Variants in RNLS observed in about 807,000 individuals in gnomAD.
The protein encoded by RNLS is renalase, FAD dependent amine oxidase, also known as renalase.
RNLS carries 39 observed loss-of-function variants against 39.8 expected under a neutral mutation model. That is an observed-to-expected ratio of 0.98 (90% CI 0.76 to 1.28). RNLS has a LOEUF of 1.28. RNLS is among the 50% of genes most tolerant of loss of function. The probability of loss-of-function intolerance (pLI) is 0.00; values close to 1 mark genes in which losing one functional copy is unlikely to be tolerated. For synonymous variants in RNLS, 147 were observed against 150.7 expected (o/e 0.98, Z 0.18); for missense variants, 410 against 413.3 (o/e 0.99, Z 0.07).
intron 5 of RNLS, among the ~76,000 whole-genome samples, chr10:88,362,250 G>A (rs987246690): frequency 1.3e-5 from 2 of 152,018 alleles, no homozygotes; most frequent in Admixed American, 6.6e-5. Flanking sequence ...AGAGATACAT[G>A]TGCATATAGA....
At chr10:88,200,472 G>A in the RNLS span, among the ~76,000 whole-genome samples, 1,048 of 152,304 alleles carry the variant, frequency 6.9e-3, 7 homozygotes, top group African/African-American at 0.023. Context: ...GGTGATTCCA[G>A]AGCCCAGATG....
At chr10:88,286,824 G>T (rs536169807) in intron 6 of RNLS, among the ~76,000 whole-genome samples, 3 of 148,876 alleles carry the variant, frequency 2.0e-5, no homozygotes, top group African/African-American at 4.9e-5. Flanking sequence ...ATAGGGTCTT[G>T]CTCTGTTGCC....
At chr10:88,289,953 G>A (rs903485825) in intron 6 of RNLS, among the ~76,000 whole-genome samples, 3 of 152,016 alleles carry the variant, frequency 2.0e-5, no homozygotes, top group African/African-American at 7.2e-5. Flanking sequence ...TGCTGATTCC[G>A]TCGGTCAAAA....
chr10:88,195,093 A>T, the RNLS span, among the ~76,000 whole-genome samples: 1 of 152,172 alleles, frequency 6.6e-6, no homozygotes, highest in Non-Finnish European at 1.5e-5. Context: ...GTAAGCATCC[A>T]ATGCATTCAT....
intron 5 of RNLS, among the ~76,000 whole-genome samples, chr10:88,319,407 G>C (rs1024371508): frequency 2.6e-5 from 4 of 152,046 alleles, no homozygotes; most frequent in Non-Finnish European, 4.4e-5. Context: ...TATTTCATTT[G>C]CTCTGTAGCA....
intron 4 of RNLS, among the ~76,000 whole-genome samples, chr10:88,501,685 T>C (rs1294925371): frequency 6.6e-6 from 1 of 152,154 alleles, no homozygotes; most frequent in Non-Finnish European, 1.5e-5. Flanking sequence ...ATTCAAAGCG[T>C]GTGGATTCCT....
chr10:88,224,885 C>T, the RNLS span, among the ~76,000 whole-genome samples: 1 of 152,132 alleles, frequency 6.6e-6, no homozygotes, highest in African/African-American at 2.4e-5. Flanking sequence ...AATCCCCAAC[C>T]ACTCCTATGA....
chr10:88,481,048 T>G (rs1265596790), intron 4 of RNLS, among the ~76,000 whole-genome samples: 1 of 152,124 alleles, frequency 6.6e-6, no homozygotes, highest in Non-Finnish European at 1.5e-5. Context: ...ATATTCCTGG[T>G]TTATTGACCC....
Position 88,284,560 on chromosome 10 carries a change from G to A in RNLS, c.*794C>T, listed in dbSNP as rs1041551177. On this transcript the variant is annotated 3_prime_UTR_variant, in exon 7 of 7. Coordinates refer to ENST00000331772, the MANE Select transcript of RNLS (RefSeq NM_001031709.3). ...TGTTAAATTCATTAAACTCGACACA[G>A]TCTAAATGCCACAGCACATACTGGA... The A allele has an allele frequency of 4.2e-5, 41 of 985,158 alleles. No homozygotes were observed. Among genetic ancestry groups the A allele is most frequent in the Non-Finnish European group, 4.1e-5 (34 of 829,848 alleles). The allele number at this position is 985,158 out of a possible 1,614,324, so 61.0% of individuals were successfully genotyped here. A position where few individuals can be genotyped will look rare whatever the true frequency, so the allele number is the denominator to read the frequency against.
chr10:88,354,116 A>G (rs892659584), intron 5 of RNLS, among the ~76,000 whole-genome samples: 4 of 152,048 alleles, frequency 2.6e-5, no homozygotes, highest in Admixed American at 2.0e-4. Context: ...TGTCTCTGCA[A>G]GTGAGATGGG....
At chr10:88,341,350 AGAAT>A (rs1847947140) in intron 5 of RNLS, among the ~76,000 whole-genome samples, 1 of 151,024 alleles carries the variant, frequency 6.6e-6, no homozygotes, top group Non-Finnish European at 1.5e-5. Flanking sequence ...AAAAAAAAAA[AGAAT>A]GAGAACAAAC....
chr10:88,421,434 A>G (rs1381189183), intron 4 of RNLS, among the ~76,000 whole-genome samples: 1 of 152,198 alleles, frequency 6.6e-6, no homozygotes. Context: ...ATCATCTGTG[A>G]CACGGCCTTG....
rs528493866 is a variant in RNLS at position 88,479,697 on chromosome 10, C to G, written c.526+93206G>C. Among the ~76,000 whole-genome samples, 3 of 152,124 alleles carry G rather than the reference C, an allele frequency of 2.0e-5. 1 individual carries two copies. In the East Asian group the frequency reaches 5.8e-4, roughly 29 times the overall value. On this transcript the variant is annotated intron_variant, in intron 4 of 6. Transcript: ENST00000331772. ...GCCTTTCCCATTTTCAGAAAAGTAA[C>G]CCAAATTCCTTTTATTTGCCCTTTT... is the stretch of plus-strand genomic sequence containing the variant.
chr10:88,391,780 TA>T (rs1302213118), intron 4 of RNLS, among the ~76,000 whole-genome samples: 3 of 152,184 alleles, frequency 2.0e-5, no homozygotes, highest in African/African-American at 7.2e-5. Flanking sequence ...AATCAAAGAC[TA>T]GCAGAAATCA....
chr10:88,317,333 T>C (rs761246092), intron 5 of RNLS, among the ~76,000 whole-genome samples: 2 of 152,224 alleles, frequency 1.3e-5, no homozygotes, highest in Non-Finnish European at 2.9e-5. Context: ...GAGGATTAAA[T>C]GAATTACTCA....
chr10:88,356,087 G>C (rs1370950183), intron 5 of RNLS, among the ~76,000 whole-genome samples: 1 of 152,192 alleles, frequency 6.6e-6, no homozygotes, highest in African/African-American at 2.4e-5. Context: ...ATTAGGGTGG[G>C]AGTGACTGAT....
At chr10:88,526,563 G>A (rs1368947767) in intron 4 of RNLS, among the ~76,000 whole-genome samples, 1 of 151,936 alleles carries the variant, frequency 6.6e-6, no homozygotes, top group Non-Finnish European at 1.5e-5. Context: ...AGGAGTTCAA[G>A]ACAAACCTGG....
At chr10:88,414,343 T>C (rs4934402) in intron 4 of RNLS, among the ~76,000 whole-genome samples, 11,114 of 152,224 alleles carry the variant, frequency 0.073, 567 homozygotes, top group Admixed American at 0.15. Context: ...GATGAGGCTG[T>C]TATTTAAAGA....
chr10:88,492,608 G>A (rs1389095075), intron 4 of RNLS, among the ~76,000 whole-genome samples: 1 of 151,778 alleles, frequency 6.6e-6, no homozygotes, highest in Non-Finnish European at 1.5e-5. Flanking sequence ...CTGTAGAGAC[G>A]GAGATTCTCT....
Sources: gnomAD v4.1 joint callset for allele counts (sites outside exome capture counted in the v4.1 genomes callset) on GRCh38, gnomAD v4.1.1 for gene constraint, MANE v1.5 for transcripts, NCBI Gene and HGNC (gene_info 2026-07-23, HGNC 2026-07-21) for gene names.